The following BMAL2 variants were observed in gnomAD, a reference collection of about 807,000 sequenced individuals.
The protein encoded by BMAL2 is basic helix-loop-helix ARNT-like protein 2.
the BMAL2 span, among the ~76,000 whole-genome samples, chr12:27,393,454 G>A: frequency 6.6e-6 from 1 of 152,186 alleles, no homozygotes; most frequent in African/African-American, 2.4e-5. Context: ...TTAATCCAGA[G>A]AGCCTACTTT....
the BMAL2 span, chr12:27,425,181 T>C: frequency 4.6e-5 from 7 of 152,310 alleles, no homozygotes; most frequent in African/African-American, 1.4e-4. Flanking sequence ...CGTCTGTATA[T>C]TGGTATTTTT....
the BMAL2 span, chr12:27,368,153 T>C: frequency 3.6e-6 from 5 of 1,399,728 alleles, no homozygotes; most frequent in Non-Finnish European, 4.8e-6. Context: ...TTAGCTGGTA[T>C]TTTTTAAATA....
chr12:27,424,978 A>G, the BMAL2 span: 1 of 152,196 alleles, frequency 6.6e-6, no homozygotes, highest in Non-Finnish European at 1.5e-5. Context: ...ATCCTGACAC[A>G]TAAGAACTTT....
At chr12:27,401,675 G>A in the BMAL2 span, 4 of 1,570,770 alleles carry the variant, frequency 2.5e-6, no homozygotes, top group African/African-American at 1.4e-5. Context: ...CTTTAGTTTT[G>A]TAAGTAATTT....
At chr12:27,383,870 T>C in the BMAL2 span, among the ~76,000 whole-genome samples, 1 of 152,188 alleles carries the variant, frequency 6.6e-6, no homozygotes, top group African/African-American at 2.4e-5. Context: ...GCTACGAGTC[T>C]GAGAAAACTG....
the BMAL2 span, among the ~76,000 whole-genome samples, chr12:27,399,253 C>T: frequency 6.6e-6 from 1 of 152,214 alleles, no homozygotes; most frequent in Non-Finnish European, 1.5e-5. Context: ...TCTCTCAGTT[C>T]TCACTGGTCA....
At chr12:27,344,705 T>TA in the BMAL2 span, among the ~76,000 whole-genome samples, 1 of 152,296 alleles carries the variant, frequency 6.6e-6, no homozygotes, top group South Asian at 2.1e-4. Context: ...ATCTACAAAA[T>TA]ACGTTCACAA....
At chr12:27,370,241 G>C in the BMAL2 span, 1 of 1,583,342 alleles carries the variant, frequency 6.3e-7, no homozygotes, top group East Asian at 2.2e-5. Context: ...GTAAGTCCTG[G>C]ACTGTCTTTG....
the BMAL2 span, among the ~76,000 whole-genome samples, chr12:27,364,086 C>T: frequency 1.2e-4 from 18 of 152,156 alleles, no homozygotes; most frequent in Admixed American, 1.1e-3. Flanking sequence ...TTGCTGCATC[C>T]TCACTTGGCA....
the BMAL2 span, among the ~76,000 whole-genome samples, chr12:27,383,099 G>A: frequency 1.3e-5 from 2 of 152,220 alleles, no homozygotes; most frequent in East Asian, 3.9e-4. Context: ...GTGAAGCACA[G>A]TGGTTCACAC....
chr12:27,372,868 T>C, the BMAL2 span, among the ~76,000 whole-genome samples: 1 of 152,094 alleles, frequency 6.6e-6, no homozygotes, highest in African/African-American at 2.4e-5. Context: ...AGAGACGGGA[T>C]TTGACCGTAT....
At chr12:27,406,505 G>A in the BMAL2 span, among the ~76,000 whole-genome samples, 3 of 152,158 alleles carry the variant, frequency 2.0e-5, no homozygotes, top group Non-Finnish European at 2.9e-5. Context: ...AGCTTCATAA[G>A]TGAAAGAGGA....
chr12:27,405,526 CAGCTGAGGGTCCT>C, the BMAL2 span, among the ~76,000 whole-genome samples: 6 of 152,332 alleles, frequency 3.9e-5, no homozygotes, highest in Non-Finnish European at 1.5e-5. Flanking sequence ...AACACACCTG[CAGCTGAGGGTCCT>C]GACTGTTAGA....
At chr12:27,376,573 A>G in the BMAL2 span, among the ~76,000 whole-genome samples, 1 of 152,316 alleles carries the variant, frequency 6.6e-6, no homozygotes, top group South Asian at 2.1e-4. Flanking sequence ...CTTGGATAAC[A>G]TTTTGGCTTT....
chr12:27,385,222 G>A, the BMAL2 span, among the ~76,000 whole-genome samples: 97 of 152,290 alleles, frequency 6.4e-4, no homozygotes, highest in East Asian at 7.7e-3. Flanking sequence ...GCTGAGGCAC[G>A]AGAATCACTT....
chr12:27,375,994 A>G, the BMAL2 span, among the ~76,000 whole-genome samples: 4 of 152,236 alleles, frequency 2.6e-5, no homozygotes, highest in African/African-American at 9.6e-5. Flanking sequence ...TAAGCCATCA[A>G]TGATGTTAAT....
the BMAL2 span, among the ~76,000 whole-genome samples, chr12:27,337,989 C>T: frequency 6.6e-6 from 1 of 152,178 alleles, no homozygotes; most frequent in Non-Finnish European, 1.5e-5. Context: ...TTGTGCCTGT[C>T]TGCCACAAGT....
chr12:27,420,038 C>CACACACACAA, the BMAL2 span, among the ~76,000 whole-genome samples: 6 of 151,866 alleles, frequency 4.0e-5, no homozygotes, highest in African/African-American at 1.2e-4. Flanking sequence ...CACACACACA[C>CACACACACAA]ACACACACAC....
At chr12:27,365,025 GTTGA>G in the BMAL2 span, among the ~76,000 whole-genome samples, 1 of 151,954 alleles carries the variant, frequency 6.6e-6, no homozygotes, top group African/African-American at 2.4e-5. Flanking sequence ...TGATTTATAT[GTTGA>G]TTATTTTGGA....
Sources: allele counts gnomAD v4.1 joint callset (sites outside exome capture counted in the v4.1 genomes callset), GRCh38; gene constraint gnomAD v4.1.1; transcripts MANE v1.5; gene names NCBI Gene and HGNC (gene_info 2026-07-23, HGNC 2026-07-21).